Variants in SAMSN1 observed in about 807,000 individuals in gnomAD.
SAMSN1 encodes the protein SAM domain-containing protein SAMSN-1.
In SAMSN1, 31 loss-of-function variants were observed where a neutral mutation model predicts 42.0. The observed-to-expected ratio is 0.74, with a 90% CI of 0.55 to 1.00. The LOEUF (loss-of-function observed/expected upper bound fraction) is 1.00, where lower values mean the gene tolerates loss of function less well. SAMSN1 is among the 50% of genes least tolerant of loss of function. The pLI, the probability that SAMSN1 is intolerant of heterozygous loss-of-function variation, is 0.00. For missense variants in SAMSN1, 464 were observed against 439.4 expected (o/e 1.06, Z -0.50); for synonymous variants, 178 against 151.9 (o/e 1.17, Z -1.26).
chr21:14,550,450 A>AT (rs1193128313), upstream of SAMSN1, among the ~76,000 whole-genome samples: 2 of 152,096 alleles, frequency 1.3e-5, no homozygotes, highest in African/African-American at 4.8e-5. Flanking sequence ...TAAAATTCTG[A>AT]TTCTATTAAC....
intron 2 of SAMSN1, among the ~76,000 whole-genome samples, chr21:14,622,941 C>A (rs1983054197): frequency 6.6e-6 from 1 of 152,168 alleles, no homozygotes; most frequent in South Asian, 2.1e-4. Flanking sequence ...ACTCCACAAG[C>A]CAGAAGAGAG....
intron 4 of SAMSN1, among the ~76,000 whole-genome samples, chr21:14,610,970 G>T (rs1260490407): frequency 6.6e-6 from 1 of 152,164 alleles, no homozygotes; most frequent in Admixed American, 6.5e-5. Flanking sequence ...CTGTTGCCCA[G>T]GTTGGAGTAC....
intron 2 of SAMSN1, among the ~76,000 whole-genome samples, chr21:14,571,964 TACTGGAAACCA>T (rs1981316078): frequency 6.6e-6 from 1 of 152,106 alleles, no homozygotes; most frequent in Non-Finnish European, 1.5e-5. Flanking sequence ...TCTTAAAAAC[TACTGGAAACCA>T]GTAATGTAAA....
chr21:14,656,235 G>A (rs1034690421), intron 1 of SAMSN1, among the ~76,000 whole-genome samples: 4 of 151,634 alleles, frequency 2.6e-5, no homozygotes, highest in Non-Finnish European at 4.4e-5. Context: ...GAAAAAAGAC[G>A]AAGTCCAAAC....
At chr21:14,652,313 A>G (rs1374757643) in intron 1 of SAMSN1, among the ~76,000 whole-genome samples, 1 of 152,102 alleles carries the variant, frequency 6.6e-6, no homozygotes, top group African/African-American at 2.4e-5. Context: ...ATAGTAACCT[A>G]AACAGAATGG....
intron 2 of SAMSN1, chr21:14,642,940 G>T: frequency 2.9e-6 from 2 of 688,534 alleles, no homozygotes; most frequent in Non-Finnish European, 5.4e-6. Context: ...GTATCATTAG[G>T]CAAGAGATTC....
chr21:14,547,929 A>G (rs1465077316), upstream of SAMSN1, among the ~76,000 whole-genome samples: 7 of 152,122 alleles, frequency 4.6e-5, no homozygotes, highest in East Asian at 5.8e-4. Flanking sequence ...ATTTTTGAGA[A>G]TTATTGAGTT....
intron 5 of SAMSN1, among the ~76,000 whole-genome samples, chr21:14,504,268 C>T (rs979620555): frequency 2.0e-5 from 3 of 151,994 alleles, no homozygotes; most frequent in African/African-American, 7.3e-5. Flanking sequence ...CCCTGATTTA[C>T]CTTAAAAAGA....
In SAMSN1 at chr21:14,630,134, T is replaced by C. The variant is rs780448727; in HGVS notation, c.156+12868A>G. On this transcript the variant is annotated intron_variant, in intron 2 of 15. Coordinates refer to the SAMSN1 transcript ENST00000647101. Reference sequence around the variant, plus strand: ...TTCCATCTTTGCAATGGAAAAGCACTGAACTGGTACCCCAGAACCTGGCTT... The same window carrying C: ...TTCCATCTTTGCAATGGAAAAGCACCGAACTGGTACCCCAGAACCTGGCTT... Among the ~76,000 whole-genome samples the C allele has an allele frequency of 1.2e-4, 19 of 152,152 alleles. 1 individual carries two copies. The highest frequency in any genetic ancestry group is 2.9e-5 in the Non-Finnish European group (2 of 68,022).
chr21:14,620,280 T>C lies in SAMSN1; in HGVS notation c.157-4264A>G, dbSNP rs555921882. 2.2e-4 allele frequency among the ~76,000 whole-genome samples: 33 copies of C among 152,100 alleles called. 1 individual carries two copies. The highest frequency in any genetic ancestry group is 2.8e-4 in the Non-Finnish European group (19 of 67,986). On this transcript the variant is annotated intron_variant, in intron 2 of 15. Coordinates refer to the SAMSN1 transcript ENST00000647101. Reference sequence around the variant, plus strand: ...AGGGAGGAACTTGGAGGGAATTGGGTCATGGGGGTGGTTTTCCCTATGCTG... The same window carrying C: ...AGGGAGGAACTTGGAGGGAATTGGGCCATGGGGGTGGTTTTCCCTATGCTG...
intron 5 of SAMSN1, among the ~76,000 whole-genome samples, chr21:14,506,577 G>A (rs1221039927): frequency 6.6e-6 from 1 of 152,034 alleles, no homozygotes; most frequent in East Asian, 1.9e-4. Context: ...AAAAAGTTGA[G>A]GACCAGACCT....
chr21:14,612,103 C>T (rs747014879), intron 4 of SAMSN1, among the ~76,000 whole-genome samples: 10 of 152,108 alleles, frequency 6.6e-5, no homozygotes, highest in Non-Finnish European at 1.3e-4. Context: ...TGTGATGGCA[C>T]GCGCCTGTAG....
Position 14,627,439 on chromosome 21 carries a change from T to C in SAMSN1, c.157-11423A>G, listed in dbSNP as rs565772422. ...ATAGACTCCTGGAAAACAAAAGGAC[T>C]CTCTTGTTCTCTGAATACTCTCCAT... On this transcript the variant is annotated intron_variant, in intron 2 of 15. Transcript: ENST00000647101. Among the ~76,000 whole-genome samples the C allele has an allele frequency of 4.6e-5, 7 of 152,270 alleles. No individual in the cohort carries two copies. The East Asian group carries it at 1.2e-3, about 25-fold the overall frequency.
chr21:14,578,017 G>A (rs1372842729), intron 2 of SAMSN1, among the ~76,000 whole-genome samples: 7 of 152,070 alleles, frequency 4.6e-5, no homozygotes, highest in Non-Finnish European at 7.4e-5. Flanking sequence ...GTCTGATTCC[G>A]TTTGTTTATA....
At chr21:14,551,802 TC>T (rs1980604713) in intron 2 of SAMSN1, among the ~76,000 whole-genome samples, 1 of 152,090 alleles carries the variant, frequency 6.6e-6, no homozygotes, top group Non-Finnish European at 1.5e-5. Flanking sequence ...ACTAATATTA[TC>T]ATTCTCAGCT....
At chr21:14,549,275 C>G (rs1024657949), upstream of SAMSN1, among the ~76,000 whole-genome samples, 1 of 152,142 alleles carries the variant, frequency 6.6e-6, no homozygotes. Context: ...GGATCTCCAT[C>G]TACATCTCTC....
chr21:14,628,973 C>T (rs891064497), intron 2 of SAMSN1, among the ~76,000 whole-genome samples: 1 of 152,094 alleles, frequency 6.6e-6, no homozygotes, highest in African/African-American at 2.4e-5. Context: ...AACATTCTTG[C>T]CTAAGCTCAC....
chr21:14,582,468 T>A, exon 2 of SAMSN1: 1 of 1,280,844 alleles, frequency 7.8e-7, no homozygotes, highest in Non-Finnish European at 1.1e-6. Flanking sequence ...AAACAAGAAA[T>A]CAACGTGTCA....
intron 2 of SAMSN1, among the ~76,000 whole-genome samples, chr21:14,619,833 G>A (rs1982953340): frequency 6.6e-6 from 1 of 152,026 alleles, no homozygotes; most frequent in African/African-American, 2.4e-5. Context: ...CAAAAGGTAT[G>A]ATCTGATGGT....
Sources: gnomAD v4.1 joint callset for allele counts (sites outside exome capture counted in the v4.1 genomes callset) on GRCh38, gnomAD v4.1.1 for gene constraint, MANE v1.5 for transcripts, NCBI Gene and HGNC (gene_info 2026-07-23, HGNC 2026-07-21) for gene names.